Variants in MED12L observed in about 807,000 individuals in gnomAD.
MED12L encodes the protein mediator complex subunit 12L.
MED12L carries 60 observed loss-of-function variants against 281.3 expected under a neutral mutation model. That is an observed-to-expected ratio of 0.21 (90% CI 0.17 to 0.26). The LOEUF (loss-of-function observed/expected upper bound fraction) is 0.26. Among genes scored for constraint, MED12L ranks in the 10% least tolerant of loss-of-function variants. The pLI, the probability that MED12L is intolerant of heterozygous loss-of-function variation, is 1.00. For synonymous variants in MED12L, 974 were observed against 987.2 expected (o/e 0.99, Z 0.25); for missense variants, 2,146 against 2,680.9 (o/e 0.80, Z 4.41).
rs1384573742 is a variant in MED12L at position 151,356,146 on chromosome 3, T to TC, written c.2661+109dup. 8.1e-6 allele frequency: 10 copies of TC among 1,232,590 alleles called. No homozygotes were observed. The African/African-American group carries it at 1.5e-4, about 19-fold the overall frequency. The allele number at this position is 1,232,590 out of a possible 1,614,324, so 76.4% of individuals were successfully genotyped here. On this transcript the variant is annotated intron_variant, in intron 19 of 44. Transcript: ENST00000687756. ...TGGGCACAGTGGCTTGTGCTTGTAA[T>TC]CCTGGCACTTTGGGAGGCCGAGGTA...
chr3:151,303,834 T>G (rs189547160), intron 16 of MED12L, among the ~76,000 whole-genome samples: 7 of 152,256 alleles, frequency 4.6e-5, no homozygotes, highest in African/African-American at 1.2e-4. Context: ...AATGTAGACT[T>G]TTTAATGGAG....
At chr3:151,098,306 G>T (rs79095036) in intron 2 of MED12L, among the ~76,000 whole-genome samples, 1 of 152,340 alleles carries the variant, frequency 6.6e-6, no homozygotes. Flanking sequence ...TAGCTAGGTG[G>T]TCCCTGACAT....
chr3:151,329,515 A>T (rs1750110593), intron 16 of MED12L: 9 of 1,548,414 alleles, frequency 5.8e-6, no homozygotes, highest in Non-Finnish European at 7.9e-6. Context: ...CTGTCTTCTT[A>T]TGGCGGCAGT....
intron 16 of MED12L, among the ~76,000 whole-genome samples, chr3:151,291,825 T>G (rs369987676): frequency 1.3e-5 from 2 of 152,198 alleles, no homozygotes; most frequent in African/African-American, 4.8e-5. Flanking sequence ...GTATGAAATA[T>G]AAGCAGTTTG....
At chr3:151,141,664 A>AT (rs1717053466) in intron 5 of MED12L, among the ~76,000 whole-genome samples, 1 of 152,082 alleles carries the variant, frequency 6.6e-6, no homozygotes, top group Non-Finnish European at 1.5e-5. Flanking sequence ...AAGAATTGGG[A>AT]TTTTTTACTC....
chr3:151,347,987 G>A (rs759563084), intron 16 of MED12L, among the ~76,000 whole-genome samples: 5 of 152,144 alleles, frequency 3.3e-5, no homozygotes, highest in Non-Finnish European at 7.4e-5. Context: ...AGGAGCACGT[G>A]GCTCTTTCTA....
intron 16 of MED12L, among the ~76,000 whole-genome samples, chr3:151,224,606 C>G (rs1730106993): frequency 6.6e-6 from 1 of 152,136 alleles, no homozygotes; most frequent in Non-Finnish European, 1.5e-5. Context: ...TTGTCCGTGC[C>G]CTCTCTAGGC....
chr3:151,410,454 C>T (rs1247713165), intron 40 of MED12L, among the ~76,000 whole-genome samples: 1 of 152,224 alleles, frequency 6.6e-6, no homozygotes, highest in Non-Finnish European at 1.5e-5. Flanking sequence ...ATTTCTCTGT[C>T]TTCCAAGTCA....
intron 16 of MED12L, among the ~76,000 whole-genome samples, chr3:151,315,685 G>T (rs909113323): frequency 6.6e-6 from 1 of 152,096 alleles, no homozygotes; most frequent in African/African-American, 2.4e-5. Context: ...TATCAACAGG[G>T]TGTCTGGCTT....
chr3:151,146,287 A>T (rs1717748862), intron 5 of MED12L, among the ~76,000 whole-genome samples: 1 of 152,148 alleles, frequency 6.6e-6, no homozygotes, highest in Non-Finnish European at 1.5e-5. Context: ...CCTTCCTGCC[A>T]TCTGCATTGC....
intron 16 of MED12L, chr3:151,199,160 C>T (rs766662546): frequency 6.2e-7 from 1 of 1,614,156 alleles, no homozygotes; most frequent in South Asian, 1.1e-5. Flanking sequence ...AGGTGCCACA[C>T]CCAAGTCAAC....
At chr3:151,226,261 A>G (rs977863382) in intron 16 of MED12L, among the ~76,000 whole-genome samples, 1 of 152,190 alleles carries the variant, frequency 6.6e-6, no homozygotes, top group African/African-American at 2.4e-5. Context: ...AGAAGAAGGA[A>G]GGAGTTTTGG....
chr3:151,302,126 A>T (rs1254249970), intron 16 of MED12L, among the ~76,000 whole-genome samples: 1 of 152,226 alleles, frequency 6.6e-6, no homozygotes, highest in African/African-American at 2.4e-5. Context: ...CATGAGAAAG[A>T]AGCCAGATAC....
chr3:151,220,394 T>C (rs191947149), intron 16 of MED12L, among the ~76,000 whole-genome samples: 2 of 152,276 alleles, frequency 1.3e-5, no homozygotes, highest in East Asian at 3.9e-4. Flanking sequence ...TAAACTTTAA[T>C]GTGCATACAC....
At chr3:151,143,893 A>G (rs1410400009) in intron 5 of MED12L, among the ~76,000 whole-genome samples, 1 of 152,252 alleles carries the variant, frequency 6.6e-6, no homozygotes, top group Non-Finnish European at 1.5e-5. Context: ...CACCAATTTA[A>G]TATTTGTAAA....
At chr3:151,348,576 T>C (rs187432975) in intron 16 of MED12L, among the ~76,000 whole-genome samples, 4 of 150,570 alleles carry the variant, frequency 2.7e-5, no homozygotes, top group East Asian at 1.9e-4. Flanking sequence ...CTAGCTTCTT[T>C]TTTTTTTTTT....
chr3:151,360,341 CTATT>C, intron 20 of MED12L, 129 bp from the exon 21 acceptor site: 1 of 745,078 alleles, frequency 1.3e-6, no homozygotes, highest in South Asian at 2.1e-5. Context: ...ATTTACTATT[CTATT>C]TATTAGTTTC....
intron 16 of MED12L, among the ~76,000 whole-genome samples, chr3:151,222,488 T>G (rs1729563922): frequency 6.6e-6 from 1 of 152,152 alleles, no homozygotes; most frequent in Non-Finnish European, 1.5e-5. Flanking sequence ...GGAGTAGATC[T>G]TTCTGTGCTG....
intron 5 of MED12L, among the ~76,000 whole-genome samples, chr3:151,147,821 T>G (rs1717940309): frequency 6.6e-6 from 1 of 152,222 alleles, no homozygotes; most frequent in South Asian, 2.1e-4. Flanking sequence ...TATGAACATT[T>G]GTTTACAGGT....
Sources: gnomAD v4.1 joint callset for allele counts (sites outside exome capture counted in the v4.1 genomes callset) on GRCh38, gnomAD v4.1.1 for gene constraint, MANE v1.5 for transcripts, NCBI Gene and HGNC (gene_info 2026-07-23, HGNC 2026-07-21) for gene names.